Variants in MTUS2 observed in about 807,000 individuals in gnomAD.
MTUS2 encodes microtubule associated scaffold protein 2, also known as microtubule-associated tumor suppressor candidate 2.
In MTUS2, 40 loss-of-function variants were observed where a neutral mutation model predicts 114.1. The ratio of observed to expected loss-of-function variants is 0.35; its 90% CI spans 0.27 to 0.46. The LOEUF (loss-of-function observed/expected upper bound fraction) is 0.46, where lower values mean the gene tolerates loss of function less well. Among genes scored for constraint, MTUS2 ranks in the 20% least tolerant of loss-of-function variants. The pLI, the probability that MTUS2 is intolerant of heterozygous loss-of-function variation, is 1.00. For missense variants in MTUS2, 1,679 were observed against 1,705.4 expected, an observed-to-expected ratio of 0.98 and a Z score of 0.27; for synonymous variants, 688 against 672.0, an observed-to-expected ratio of 1.02 and a Z score of -0.37.
chr13:28,833,725 T>C (rs546309335), intron 1 of MTUS2, among the ~76,000 whole-genome samples: 35 of 152,090 alleles, frequency 2.3e-4, no homozygotes, highest in Admixed American at 1.4e-3. Context: ...GAAAGAAAAA[T>C]CATCCAGATT....
At chr13:29,308,542 A>G (rs1205282940) in intron 6 of MTUS2, among the ~76,000 whole-genome samples, 2 of 152,348 alleles carry the variant, frequency 1.3e-5, no homozygotes, top group East Asian at 3.9e-4. Flanking sequence ...GACTAAAGCA[A>G]AACTTGACAA....
At chr13:28,909,913 C>T (rs1191421915) in intron 2 of MTUS2, among the ~76,000 whole-genome samples, 1 of 152,028 alleles carries the variant, frequency 6.6e-6, no homozygotes, top group Non-Finnish European at 1.5e-5. Flanking sequence ...TTTGTGGGTG[C>T]ATAGTAAGTA....
chr13:28,998,420 G>A (rs1387441168), intron 2 of MTUS2, among the ~76,000 whole-genome samples: 1 of 152,104 alleles, frequency 6.6e-6, no homozygotes, highest in Non-Finnish European at 1.5e-5. Flanking sequence ...TGTATTTCCC[G>A]AATTTGAATA....
chr13:28,912,454 A>G (rs1324709870), intron 2 of MTUS2, among the ~76,000 whole-genome samples: 3 of 152,164 alleles, frequency 2.0e-5, no homozygotes, highest in Non-Finnish European at 4.4e-5. Flanking sequence ...TGATGCCTCC[A>G]GCTTTGTTGT....
chr13:29,428,972 C>T lies in MTUS2; in HGVS notation c.3118-11011C>T, dbSNP rs566881362. On this transcript the variant is annotated intron_variant, in intron 8 of 15. Transcript: ENST00000612955. ...AGAGAAAGCCGTGAGCCAGCCACCT[C>T]GGTGCCTGTCCCCCTAGCATGCGTG... The T allele has an allele frequency of 3.5e-6, 5 of 1,435,990 alleles. No individual in the cohort carries two copies. In the African/African-American group the frequency reaches 5.6e-5, roughly 16 times the overall value. 89.0% of individuals were successfully genotyped at this position (1,435,990 alleles called of 1,614,324 possible).
chr13:28,999,917 C>T (rs1885306900), intron 2 of MTUS2, among the ~76,000 whole-genome samples: 2 of 152,142 alleles, frequency 1.3e-5, no homozygotes, highest in Admixed American at 1.3e-4. Context: ...ATAATGTCCT[C>T]CAGGTTCATT....
chr13:29,116,615 G>A (rs990304562), intron 5 of MTUS2, among the ~76,000 whole-genome samples: 23 of 152,240 alleles, frequency 1.5e-4, no homozygotes, highest in Admixed American at 1.3e-3. Context: ...ATAGATAATT[G>A]TAATAATATG....
chr13:28,916,675 C>G (rs1180938682), intron 2 of MTUS2, among the ~76,000 whole-genome samples: 2 of 151,514 alleles, frequency 1.3e-5, no homozygotes, highest in African/African-American at 2.4e-5. Flanking sequence ...TTTGTGGCGT[C>G]TTTAGGTTTT....
intron 4 of MTUS2, among the ~76,000 whole-genome samples, chr13:29,090,386 G>C (rs1156342991): frequency 6.6e-6 from 1 of 152,124 alleles, no homozygotes; most frequent in African/African-American, 2.4e-5. Flanking sequence ...GGGTAGTGGA[G>C]TGCCTGTGGG....
At chr13:29,243,054 A>G (rs868531738) in intron 5 of MTUS2, among the ~76,000 whole-genome samples, 1 of 152,224 alleles carries the variant, frequency 6.6e-6, no homozygotes, top group African/African-American at 2.4e-5. Context: ...TTTGAGACAG[A>G]TCGAATCTGA....
chr13:29,500,278 A>C (rs1218650088), intron 14 of MTUS2, among the ~76,000 whole-genome samples: 2 of 152,246 alleles, frequency 1.3e-5, no homozygotes, highest in Admixed American at 6.5e-5. Flanking sequence ...GACAGAGGCC[A>C]GTCCTGTGGC....
intron 5 of MTUS2, among the ~76,000 whole-genome samples, chr13:29,212,552 C>T (rs930686195): frequency 6.6e-6 from 1 of 152,200 alleles, no homozygotes; most frequent in African/African-American, 2.4e-5. Flanking sequence ...GTGTATGTGA[C>T]CCACACTTCT....
At chr13:28,984,074 C>T (rs1023802254) in intron 2 of MTUS2, among the ~76,000 whole-genome samples, 8 of 152,178 alleles carry the variant, frequency 5.3e-5, no homozygotes, top group South Asian at 2.1e-4. Context: ...CCCTTCTCCT[C>T]GCTCCCTGGG....
intron 8 of MTUS2, among the ~76,000 whole-genome samples, chr13:29,360,688 A>AACCCC (rs1870153205): frequency 2.0e-4 from 17 of 87,156 alleles, no homozygotes; most frequent in East Asian, 7.8e-4. Flanking sequence ...GTAGCCGAAC[A>AACCCC]CCCCCCCCCC....
intron 1 of MTUS2, among the ~76,000 whole-genome samples, chr13:28,831,378 C>G (rs559625639): frequency 1.3e-5 from 2 of 151,270 alleles, no homozygotes; most frequent in Admixed American, 6.5e-5. Flanking sequence ...ATAAACATGA[C>G]TCAACTATAT....
chr13:29,338,053 A>G (rs1901173083), intron 7 of MTUS2, among the ~76,000 whole-genome samples: 1 of 150,926 alleles, frequency 6.6e-6, no homozygotes, highest in Non-Finnish European at 1.5e-5. Context: ...CAGCCTCCCA[A>G]AGTGCTGGGA....
chr13:29,198,017 G>A (rs1479633584), intron 5 of MTUS2, among the ~76,000 whole-genome samples: 2 of 152,136 alleles, frequency 1.3e-5, no homozygotes, highest in African/African-American at 4.8e-5. Flanking sequence ...CGTTCTATAG[G>A]TTGCCTGTTC....
intron 9 of MTUS2, among the ~76,000 whole-genome samples, chr13:29,441,141 G>A (rs1315684643): frequency 2.0e-5 from 3 of 152,082 alleles, no homozygotes; most frequent in African/African-American, 7.2e-5. Flanking sequence ...TGTGTGATCC[G>A]GAGCAGCAGG....
intron 2 of MTUS2, among the ~76,000 whole-genome samples, chr13:28,939,808 C>T (rs140880647): frequency 5.9e-5 from 9 of 152,050 alleles, no homozygotes; most frequent in East Asian, 5.8e-4. Flanking sequence ...ACATACCCAA[C>T]GCTGGGTAAT....
Sources: gnomAD v4.1 joint callset for allele counts (sites outside exome capture counted in the v4.1 genomes callset) on GRCh38, gnomAD v4.1.1 for gene constraint, MANE v1.5 for transcripts, NCBI Gene and HGNC (gene_info 2026-07-23, HGNC 2026-07-21) for gene names.